PHACTR2: variants seen among roughly 807,000 people sequenced by gnomAD.
The protein encoded by PHACTR2 is phosphatase and actin regulator 2, also known as chromosome 6 open reading frame 56.
A neutral mutation model predicts 76.0 loss-of-function variants in PHACTR2; 30 were observed. The ratio of observed to expected loss-of-function variants is 0.39; its 90% CI spans 0.30 to 0.54. The LOEUF is 0.54. PHACTR2 is among the 20% of genes least tolerant of loss of function. The pLI, the probability that PHACTR2 is intolerant of heterozygous loss-of-function variation, is 0.61. For missense variants in PHACTR2, 696 were observed against 781.1 expected (o/e 0.89, Z 1.30); for synonymous variants, 292 against 292.5 (o/e 1.00, Z 0.02).
intron 9 of PHACTR2, among the ~76,000 whole-genome samples, chr6:143,778,978 C>T (rs1244221395): frequency 6.6e-6 from 1 of 152,080 alleles, no homozygotes; most frequent in African/African-American, 2.4e-5. Flanking sequence ...AAGAGTGAGA[C>T]ACTTCAGATT....
In PHACTR2 at chr6:143,580,999, C is replaced by G. The variant is rs1447984958; in HGVS notation, c.217+43792C>G. Among the ~76,000 whole-genome samples, 3 of 152,164 alleles carry G rather than the reference C, an allele frequency of 2.0e-5. No homozygotes were observed. Among genetic ancestry groups the G allele is most frequent in the Non-Finnish European group, 4.4e-5 (3 of 68,026 alleles). ...GATATCCTATAAAAGTCTTCCATTA[C>G]AGAACACCTACACATCAGGAGCTCA... is the stretch of plus-strand genomic sequence containing the variant. On this transcript the variant is annotated intron_variant, in intron 1 of 11. Coordinates refer to the PHACTR2 transcript ENST00000367584. This position sits in a 1 kb window ranked among gnomAD's most constrained non-coding sequence, Gnocchi z 4.2.
In PHACTR2 at chr6:143,591,321, T is replaced by C. The variant is rs1775690549; in HGVS notation, c.217+54114T>C. Among the ~76,000 whole-genome samples the C allele has an allele frequency of 6.6e-6, 1 of 152,068 alleles. No individual in the cohort carries two copies. Among genetic ancestry groups the C allele is most frequent in the Non-Finnish European group, 1.5e-5 (1 of 67,994 alleles). ...TGGAGGTGGGCCATTCCAGGGTACA[T>C]TTAGGACACTCTGGAATGACCCTGC... On this transcript the variant is annotated intron_variant, in intron 1 of 11. Transcript: ENST00000367584. The surrounding 1 kb of genome is among the most constrained non-coding windows in gnomAD (Gnocchi z 6.4).
chr6:143,765,485 G>A lies in PHACTR2; in HGVS notation c.919G>A (p.Ala307Thr). The change falls in exon 6 of 13, where the codon GCA becomes ACA. Residue 307 changes from alanine to threonine, a missense_variant. This residue lies in a region of PHACTR2 where 460 missense variants were observed against 450.9 expected (regional missense o/e 1.02). Transcript: ENST00000440869. This position sits in a 1 kb window ranked among gnomAD's most constrained non-coding sequence, Gnocchi z 4.1. ...CACATCCGACCTGAAAGGAGAGCCT[G>A]CAGAGACCAGAGTGGAGAGTTTCAA... ...SGTSDLKGEP[A>T]ETRVESFKLE... 1 of 1,614,214 alleles carries A rather than the reference G, an allele frequency of 6.2e-7. No individual in the cohort carries two copies. Among genetic ancestry groups the A allele is most frequent in the Non-Finnish European group, 8.5e-7 (1 of 1,180,022 alleles).
At chr6:143,686,984 C>CT (rs1562270007) in intron 1 of PHACTR2, among the ~76,000 whole-genome samples, 2 of 152,046 alleles carry the variant, frequency 1.3e-5, no homozygotes, top group Admixed American at 6.5e-5. Flanking sequence ...TTTTCAGCTA[C>CT]TTTTTTTTCC....
rs1781191471 is a variant in PHACTR2 at position 143,543,525 on chromosome 6, G to A, written c.217+6318G>A. Among the ~76,000 whole-genome samples, 2 of 152,226 alleles carry A rather than the reference G, an allele frequency of 1.3e-5. No individual in the cohort carries two copies. The highest frequency in any genetic ancestry group is 4.1e-4 in the South Asian group (2 of 4,834). ...AGAACCTAGGATGGTCGGCTATAGG[G>A]AATGGCTGTGGGGAGAAAATGCCTC... On this transcript the variant is annotated intron_variant, in intron 1 of 11. Transcript: ENST00000367584. The surrounding 1 kb of genome is among the most constrained non-coding windows in gnomAD (Gnocchi z 4.7).
In PHACTR2 at chr6:143,787,720, C is replaced by G. The variant is rs1775586646; in HGVS notation, c.1708-1053C>G. On this transcript the variant is annotated intron_variant, in intron 10 of 12. Coordinates refer to ENST00000440869, the MANE Select transcript of PHACTR2 (RefSeq NM_001100164.2). The surrounding 1 kb of genome is among the most constrained non-coding windows in gnomAD (Gnocchi z 4.6). ...TTGAGCCCAAGAGTTCAAGACCAGC[C>G]TGAGCAACATAGAGAGACCCCCCAC... is the stretch of plus-strand genomic sequence containing the variant. Among the ~76,000 whole-genome samples the G allele has an allele frequency of 6.6e-6, 1 of 151,924 alleles. No homozygotes were observed. The highest frequency in any genetic ancestry group is 1.5e-5 in the Non-Finnish European group (1 of 67,988).
At position 143,539,078 on chromosome 6, in the gene PHACTR2, C is replaced by CA. The variant is rs1270947664; in HGVS notation, c.217+1872dup. ...AAGTATAGCTTGCATCGCCATTTTT[C>CA]ATTTTCATGGATGGAAATTATGGCC... On this transcript the variant is annotated intron_variant, in intron 1 of 11. Transcript: ENST00000367584. The surrounding 1 kb of genome is among the most constrained non-coding windows in gnomAD (Gnocchi z 4.3). 6.6e-6 allele frequency among the ~76,000 whole-genome samples: 1 copy of CA among 152,162 alleles called. No homozygotes were observed. The highest frequency in any genetic ancestry group is 2.4e-5 in the African/African-American group (1 of 41,436).
chr6:143,712,039 A>C lies in PHACTR2; in HGVS notation c.70A>C (p.Ile24Leu). Residue 24 changes from isoleucine (I) to leucine (L), a missense_variant, in exon 2 of 13, where the codon ATA becomes CTA. Physicochemically the swap from Ile to Leu is conservative, Grantham distance 5. Around this residue, in one of 2 missense-constraint regions of PHACTR2, gnomAD observed 460 missense variants for 450.9 expected, o/e 1.02. Coordinates refer to ENST00000440869, the MANE Select transcript of PHACTR2 (RefSeq NM_001100164.2). ...AGTTGACGGACTGGACAAAGCTTCT[A>C]TAGCAAACTCAGATGGCCCCACAGC... ...GSVDGLDKAS[I>L]ANSDGPTAGS... The C allele has an allele frequency of 6.3e-7, 1 of 1,590,636 alleles. No homozygotes were observed. The highest frequency in any genetic ancestry group is 8.5e-7 in the Non-Finnish European group (1 of 1,171,110).
rs758877270 is a variant in PHACTR2 at position 143,780,268 on chromosome 6, CT to C, written c.1645+2892del. 6.6e-6 allele frequency among the ~76,000 whole-genome samples: 1 copy of C among 152,040 alleles called. No homozygotes were observed. Among genetic ancestry groups the C allele is most frequent in the Non-Finnish European group, 1.5e-5 (1 of 68,002 alleles). On this transcript the variant is annotated intron_variant, in intron 9 of 12. Transcript: ENST00000440869. This position sits in a 1 kb window ranked among gnomAD's most constrained non-coding sequence, Gnocchi z 4.4. ...CATATCTATGCATCTGTTGATCCAG[CT>C]TTTTTTAATGCACTTTAAGTTTATG...
rs78057031 is a variant in PHACTR2, at chr6:143,790,439, G to A, written c.1845+1529G>A. On this transcript the variant is annotated intron_variant, in intron 11 of 12. Transcript: ENST00000440869. ...AGGCAAGGAGCAGACCCTTGAGGAC[G>A]GAGGGAGAGCACAGGCTGAGGAAGC... Among the ~76,000 whole-genome samples, 46 of 152,234 alleles carry A rather than the reference G, an allele frequency of 3.0e-4. 1 individual carries two copies. The East Asian group carries it at 7.8e-3, about 26-fold the overall frequency.
chr6:143,541,536 C>T lies in PHACTR2; in HGVS notation c.217+4329C>T, dbSNP rs1212345910. Among the ~76,000 whole-genome samples, 1 of 152,242 alleles carries T rather than the reference C, an allele frequency of 6.6e-6. No homozygotes were observed. Among genetic ancestry groups the T allele is most frequent in the Admixed American group, 6.5e-5 (1 of 15,278 alleles). On this transcript the variant is annotated intron_variant, in intron 1 of 11. Transcript: ENST00000367584. This position sits in a 1 kb window ranked among gnomAD's most constrained non-coding sequence, Gnocchi z 5.3. Reference sequence around the variant, plus strand: ...AGCAGTATAGGTGTGTGGACCACTTCATTAGCTTAATGTGCAAGTACAATC... The same window carrying T: ...AGCAGTATAGGTGTGTGGACCACTTTATTAGCTTAATGTGCAAGTACAATC...
In PHACTR2 at chr6:143,548,730, G is replaced by C. The variant is rs9484765; in HGVS notation, c.217+11523G>C. On this transcript the variant is annotated intron_variant, in intron 1 of 11. Transcript: ENST00000367584. The surrounding 1 kb of genome is among the most constrained non-coding windows in gnomAD (Gnocchi z 4.5). Reference sequence around the variant, plus strand: ...CTGGGGCCCGGGGAGGTAAGAAATTGCAGGGCTTCTGGGAAGCCTACGTGT... The same window carrying C: ...CTGGGGCCCGGGGAGGTAAGAAATTCCAGGGCTTCTGGGAAGCCTACGTGT... 0.022 allele frequency among the ~76,000 whole-genome samples: 3,341 copies of C among 152,146 alleles called. 140 individuals are homozygous for C. The highest frequency in any genetic ancestry group is 0.076 in the African/African-American group (3,171 of 41,524).
intron 1 of PHACTR2, among the ~76,000 whole-genome samples, chr6:143,644,336 C>T (rs12197980): frequency 0.17 from 25,759 of 151,770 alleles, 2,564 homozygotes; most frequent in Middle Eastern, 0.24. Context: ...GGCATGGTGG[C>T]GGGCGCTTGT....
At position 143,689,778 on chromosome 6, in the gene PHACTR2, C is replaced by T. The variant is rs1777600209; in HGVS notation, c.46+11569C>T. 1.3e-5 allele frequency among the ~76,000 whole-genome samples: 2 copies of T among 151,674 alleles called. No individual in the cohort carries two copies. The highest frequency in any genetic ancestry group is 1.9e-4 in the East Asian group (1 of 5,154). On this transcript the variant is annotated intron_variant, in intron 1 of 12. Transcript: ENST00000440869. The surrounding 1 kb of genome is among the most constrained non-coding windows in gnomAD (Gnocchi z 4.4). ...CCTGATTTCAGCTCACTGCAACCTC[C>T]GGCTCCTGGGTTCAAGTGATTCTCC...
At chr6:143,804,041 C>T (rs114153820) in intron 11 of PHACTR2, among the ~76,000 whole-genome samples, 76 of 152,322 alleles carry the variant, frequency 5.0e-4, no homozygotes, top group African/African-American at 1.8e-3. Flanking sequence ...AGGTTATCAA[C>T]TGCTTTTTAA....
Position 143,772,250 on chromosome 6 carries a change from T to A in PHACTR2, c.1233-8T>A. ...CACATCACTCCCATGCTTTTCTGCC[T>A]TTAACAGTTTCACAACCAAAGAGGA... On this transcript the variant is annotated splice_polypyrimidine_tract_variant and splice_region_variant and intron_variant, in intron 6 of 12. Coordinates refer to ENST00000440869, the MANE Select transcript of PHACTR2 (RefSeq NM_001100164.2). This position sits in a 1 kb window ranked among gnomAD's most constrained non-coding sequence, Gnocchi z 5.4. 6.2e-7 allele frequency: 1 copy of A among 1,609,964 alleles called. No individual in the cohort carries two copies. The highest frequency in any genetic ancestry group is 8.5e-7 in the Non-Finnish European group (1 of 1,176,284).
chr6:143,706,787 T>C (rs1365981481), intron 1 of PHACTR2, among the ~76,000 whole-genome samples: 1 of 152,242 alleles, frequency 6.6e-6, no homozygotes. Context: ...AAGGCAAGGA[T>C]AGCCACTTGG....
At chr6:143,817,200 TC>T (rs970895793) in intron 12 of PHACTR2, among the ~76,000 whole-genome samples, 1 of 152,180 alleles carries the variant, frequency 6.6e-6, no homozygotes, top group Non-Finnish European at 1.5e-5. Flanking sequence ...GGTTTCCTTA[TC>T]CTTGCCCCTT....
At chr6:143,711,755 TTGTC>T in intron 1 of PHACTR2, 1 of 652,392 alleles carries the variant, frequency 1.5e-6, no homozygotes, top group South Asian at 1.4e-5. Context: ...AGACACTCAT[TTGTC>T]TGGCCCCATC....
Sources: gnomAD v4.1 joint callset for allele counts (sites outside exome capture counted in the v4.1 genomes callset) on GRCh38, gnomAD v4.1.1 for gene constraint, gnomAD v4.1.1 regional missense constraint, Gnocchi (gnomAD v3.1) non-coding constraint, MANE v1.5 for transcripts, NCBI Gene and HGNC (gene_info 2026-07-23, HGNC 2026-07-21) for gene names.